HK2: variants seen among roughly 807,000 people sequenced by gnomAD.
The protein encoded by HK2 is hexokinase 2.
In HK2, 42 loss-of-function variants were observed where a neutral mutation model predicts 92.9. The ratio of observed to expected loss-of-function variants is 0.45; its 90% CI spans 0.35 to 0.58. The LOEUF is 0.58. HK2 is among the 20% of genes least tolerant of loss of function. The pLI is 0.00. For synonymous variants in HK2, 422 were observed against 468.0 expected (o/e 0.90, Z 1.27); for missense variants, 978 against 1,245.1 (o/e 0.79, Z 3.23).
At chr2:74,848,303 A>G (rs1002158757) in intron 1 of HK2, among the ~76,000 whole-genome samples, 1 of 152,258 alleles carries the variant, frequency 6.6e-6, no homozygotes, top group African/African-American at 2.4e-5. Context: ...CTTCTTTGAT[A>G]TAAAGTCCTA....
At chr2:74,875,019 G>T (rs1315597029) in intron 7 of HK2, among the ~76,000 whole-genome samples, 1 of 152,212 alleles carries the variant, frequency 6.6e-6, no homozygotes, top group Admixed American at 6.5e-5. Context: ...TGGAGGAGGG[G>T]CGTCTAGCAT....
At position 74,888,102 on chromosome 2, in the gene HK2, T is replaced by C. The variant is rs773421597; in HGVS notation, c.2375+44T>C. ...GGGTAGCAGGGGGGCCATGTCCTTT[T>C]TTCTCACTGGCAGACAAACTGAAGG... is the stretch of plus-strand genomic sequence containing the variant. On this transcript the variant is annotated intron_variant, in intron 16 of 17. Coordinates refer to ENST00000290573, the MANE Select transcript of HK2 (RefSeq NM_000189.5). 1.0e-5 allele frequency: 16 copies of C among 1,600,580 alleles called. No individual in the cohort carries two copies. The East Asian group carries it at 3.6e-4, about 36-fold the overall frequency.
chr2:74,873,013 T>C (rs1054880855), intron 4 of HK2, among the ~76,000 whole-genome samples: 1 of 152,242 alleles, frequency 6.6e-6, no homozygotes, highest in African/African-American at 2.4e-5. Flanking sequence ...TAGGAACTTT[T>C]CAGCTCTATT....
intron 3 of HK2, 103 bp from the exon 4 acceptor site, chr2:74,872,197 T>C: frequency 1.7e-6 from 2 of 1,179,204 alleles, no homozygotes; most frequent in Non-Finnish European, 2.5e-6. Context: ...AGATATGGGT[T>C]TTGCACACAT....
intron 1 of HK2, among the ~76,000 whole-genome samples, chr2:74,849,578 A>G (rs556518933): frequency 6.6e-6 from 1 of 152,316 alleles, no homozygotes; most frequent in South Asian, 2.1e-4. Flanking sequence ...TGCCCATCAC[A>G]GAAAGAGAAG....
intron 1 of HK2, among the ~76,000 whole-genome samples, chr2:74,840,167 C>T (rs1478531118): frequency 2.0e-5 from 3 of 150,994 alleles, no homozygotes; most frequent in African/African-American, 2.4e-5. Context: ...ACTGTGTTAG[C>T]CAGGATGGTC....
At position 74,854,468 on chromosome 2, in the gene HK2, G is replaced by C. The variant is rs1487455368; in HGVS notation, c.226+13G>C. Reference sequence around the variant, plus strand: ...CCAGATGGGACAGGTACTGCATCTGGGGGATGGCTCTAGCTGCTGCGTTAC... The same window carrying C: ...CCAGATGGGACAGGTACTGCATCTGCGGGATGGCTCTAGCTGCTGCGTTAC... On this transcript the variant is annotated intron_variant, in intron 2 of 17. Transcript: ENST00000290573. 6.2e-7 allele frequency: 1 copy of C among 1,613,990 alleles called. No individual in the cohort carries two copies. The highest frequency in any genetic ancestry group is 8.5e-7 in the Non-Finnish European group (1 of 1,179,980).
chr2:74,853,218 A>G (rs1358929950), intron 1 of HK2, among the ~76,000 whole-genome samples: 4 of 152,102 alleles, frequency 2.6e-5, no homozygotes, highest in African/African-American at 4.8e-5. Flanking sequence ...AGACCTTACC[A>G]TAAGATTAGG....
chr2:74,854,210 A>G, intron 1 of HK2, 83 bp from the exon 2 acceptor site: 1 of 1,295,038 alleles, frequency 7.7e-7, no homozygotes, highest in Non-Finnish European at 1.1e-6. Flanking sequence ...TCTTTTGAAG[A>G]GCTGAGTGGT....
chr2:74,877,316 T>C lies in HK2; in HGVS notation c.1026T>C (p.Ile342=), dbSNP rs374980610. Residue 342 remains isoleucine (I), a synonymous_variant, in exon 8 of 18, where the codon ATT becomes ATC. Coordinates refer to ENST00000290573, the MANE Select transcript of HK2 (RefSeq NM_000189.5). ...GRFETKDISD[I]EGEKDGIRKA... ...TTGAGACCAAAGACATCTCAGACAT[T>C]GAAGGGTGAGCTTCTGGCCAGCCCC... The C allele has an allele frequency of 6.2e-7, 1 of 1,613,988 alleles. No individual in the cohort carries two copies. Among genetic ancestry groups the C allele is most frequent in the African/African-American group, 1.3e-5 (1 of 74,906 alleles).
chr2:74,839,950 C>A (rs992691722), intron 1 of HK2, among the ~76,000 whole-genome samples: 2 of 138,528 alleles, frequency 1.4e-5, no homozygotes, highest in African/African-American at 5.4e-5. Flanking sequence ...CTGCGCCTGG[C>A]CTTTTTTTTT....
At chr2:74,854,594 G>A in intron 2 of HK2, 139 bp downstream of exon 2, 1 of 919,936 alleles carries the variant, frequency 1.1e-6, no homozygotes, top group East Asian at 2.6e-5. Context: ...TGAATGGAAG[G>A]CTGTGTGACG....
intron 1 of HK2, among the ~76,000 whole-genome samples, chr2:74,837,190 G>T (rs1484074752): frequency 6.6e-6 from 1 of 152,146 alleles, no homozygotes; most frequent in African/African-American, 2.4e-5. Context: ...GAGGCCCAGG[G>T]GTAACTTGCC....
At chr2:74,851,090 C>T (rs1000163078) in intron 1 of HK2, among the ~76,000 whole-genome samples, 4 of 152,324 alleles carry the variant, frequency 2.6e-5, no homozygotes, top group Admixed American at 2.6e-4. Flanking sequence ...CAAGAAACCA[C>T]AGGGCAGGCT....
At chr2:74,865,589 C>A (rs1688926358) in intron 2 of HK2, among the ~76,000 whole-genome samples, 1 of 152,120 alleles carries the variant, frequency 6.6e-6, no homozygotes, top group African/African-American at 2.4e-5. Context: ...CTGGAAAAGC[C>A]ACCCATGGCC....
chr2:74,892,535 G>A lies in HK2; in HGVS notation c.*1594G>A, dbSNP rs1447144171. ...AAACTTCCATCCCTACTTTTCAAGA[G>A]TGCAGTTGATTCTGAATCTGAAAGC... is the stretch of plus-strand genomic sequence containing the variant. On this transcript the variant is annotated 3_prime_UTR_variant, in exon 18 of 18. Transcript: ENST00000290573. 6.6e-6 allele frequency: 1 copy of A among 152,150 alleles called. No individual in the cohort carries two copies. 9.4% of individuals were successfully genotyped at this position (152,150 alleles called of 1,614,324 possible).
chr2:74,835,126 C>A (rs935575646), intron 1 of HK2: 1 of 208,284 alleles, frequency 4.8e-6, no homozygotes, highest in East Asian at 1.4e-4. Flanking sequence ...CGGTTCCCTT[C>A]TCCTTCCCCG....
At chr2:74,871,715 C>T (rs181686898) in intron 3 of HK2, among the ~76,000 whole-genome samples, 3 of 152,214 alleles carry the variant, frequency 2.0e-5, no homozygotes, top group Admixed American at 2.0e-4. Context: ...CTTTGAATTG[C>T]CCTCAGGAGA....
intron 2 of HK2, among the ~76,000 whole-genome samples, chr2:74,855,423 G>A (rs947597864): frequency 2.0e-5 from 3 of 152,136 alleles, no homozygotes; most frequent in African/African-American, 4.8e-5. Flanking sequence ...AGGCTAGAGC[G>A]CAGTGGCGTG....
Sources: allele counts gnomAD v4.1 joint callset (sites outside exome capture counted in the v4.1 genomes callset), GRCh38; gene constraint gnomAD v4.1.1; transcripts MANE v1.5; gene names NCBI Gene and HGNC (gene_info 2026-07-23, HGNC 2026-07-21).